GRID1: variants seen among roughly 807,000 people sequenced by gnomAD.
The protein encoded by GRID1 is glutamate receptor ionotropic, delta-1.
A neutral mutation model predicts 98.0 loss-of-function variants in GRID1; 28 were observed. The ratio of observed to expected loss-of-function variants is 0.29; its 90% CI spans 0.21 to 0.39. The LOEUF (loss-of-function observed/expected upper bound fraction) is 0.39. Ranked by LOEUF, GRID1 falls within the 10% of genes least tolerant of loss-of-function variation. The pLI is 1.00. For missense variants in GRID1, 1,111 were observed against 1,340.5 expected (o/e 0.83, Z 2.67); for synonymous variants, 553 against 538.5 (o/e 1.03, Z -0.37).
chr10:86,348,666 G>A (rs900608461), intron 2 of GRID1, among the ~76,000 whole-genome samples: 2 of 152,210 alleles, frequency 1.3e-5, no homozygotes, highest in African/African-American at 2.4e-5. Flanking sequence ...ATCCACGCAC[G>A]TAGCACGTCC....
intron 5 of GRID1, among the ~76,000 whole-genome samples, chr10:85,889,691 G>A (rs1180272851): frequency 6.6e-6 from 1 of 152,128 alleles, no homozygotes; most frequent in Non-Finnish European, 1.5e-5. Context: ...CTTTTGGATA[G>A]ATACCCAGAA....
At chr10:86,042,798 A>C (rs1370244063) in intron 4 of GRID1, among the ~76,000 whole-genome samples, 3 of 152,226 alleles carry the variant, frequency 2.0e-5, no homozygotes, top group Non-Finnish European at 4.4e-5. Context: ...CAAGATGTTT[A>C]TTCTAGCCTG....
chr10:86,107,873 C>T (rs1844415475), intron 4 of GRID1, among the ~76,000 whole-genome samples: 2 of 152,264 alleles, frequency 1.3e-5, no homozygotes, highest in South Asian at 4.1e-4. Flanking sequence ...AGGGGAAAAC[C>T]ATCTCCCTTC....
At chr10:86,137,308 G>C (rs1035782889) in intron 4 of GRID1, among the ~76,000 whole-genome samples, 3 of 152,192 alleles carry the variant, frequency 2.0e-5, no homozygotes, top group Admixed American at 2.0e-4. Flanking sequence ...AAGAAACAGA[G>C]GCTAAGACGG....
chr10:85,688,392 C>A (rs532950692), intron 12 of GRID1, among the ~76,000 whole-genome samples: 1 of 152,140 alleles, frequency 6.6e-6, no homozygotes, highest in Non-Finnish European at 1.5e-5. Context: ...AAAAGAGACA[C>A]GGCTGGAGTG....
intron 4 of GRID1, among the ~76,000 whole-genome samples, chr10:85,957,688 A>T (rs983160043): frequency 6.6e-6 from 1 of 152,214 alleles, no homozygotes; most frequent in East Asian, 1.9e-4. Context: ...AATCCCAGAC[A>T]GGATTGGTAC....
chr10:86,000,896 A>G (rs1485582357), intron 4 of GRID1, among the ~76,000 whole-genome samples: 2 of 151,386 alleles, frequency 1.3e-5, no homozygotes, highest in Admixed American at 1.3e-4. Flanking sequence ...TCATACCAGA[A>G]AAAGCTTTTA....
chr10:85,892,957 C>T (rs767819235), intron 5 of GRID1, among the ~76,000 whole-genome samples: 4 of 152,006 alleles, frequency 2.6e-5, no homozygotes, highest in Non-Finnish European at 5.9e-5. Context: ...ACAAAATTTA[C>T]AGATTTAAAA....
intron 4 of GRID1, among the ~76,000 whole-genome samples, chr10:86,084,724 T>C (rs1329335070): frequency 6.6e-6 from 1 of 152,212 alleles, no homozygotes; most frequent in Non-Finnish European, 1.5e-5. Context: ...TTCTGACATA[T>C]GCTACAACAT....
intron 8 of GRID1, among the ~76,000 whole-genome samples, chr10:85,800,501 T>C (rs1842566019): frequency 4.6e-5 from 7 of 151,790 alleles, no homozygotes; most frequent in Admixed American, 4.6e-4. Flanking sequence ...TTCAAAACCA[T>C]CTAGAACTAT....
intron 2 of GRID1, among the ~76,000 whole-genome samples, chr10:86,344,097 TC>T (rs1848348629): frequency 6.6e-6 from 1 of 152,246 alleles, no homozygotes; most frequent in South Asian, 2.1e-4. Context: ...GCTTGTTAAA[TC>T]AGGCTCTCTG....
chr10:86,285,074 G>A (rs1847410861), intron 2 of GRID1, among the ~76,000 whole-genome samples: 1 of 152,102 alleles, frequency 6.6e-6, no homozygotes, highest in African/African-American at 2.4e-5. Context: ...GAGGAGAGGA[G>A]CGAGCCCCCC....
At chr10:86,145,532 T>C (rs1012957307) in intron 3 of GRID1, among the ~76,000 whole-genome samples, 1 of 102,554 alleles carries the variant, frequency 9.8e-6, no homozygotes, top group East Asian at 2.3e-4. Context: ...TGCCCACTCC[T>C]GGACATCCTC....
At chr10:85,602,841 A>C in intron 15 of GRID1, 140 bp from the exon 16 acceptor site, 1 of 615,154 alleles carries the variant, frequency 1.6e-6, no homozygotes, top group Non-Finnish European at 2.9e-6. Context: ...TGTGGCTCCC[A>C]CCTCCCCTCA....
intron 5 of GRID1, among the ~76,000 whole-genome samples, chr10:85,899,825 A>G (rs1256293595): frequency 2.6e-5 from 4 of 152,206 alleles, no homozygotes; most frequent in African/African-American, 4.8e-5. Flanking sequence ...GAAAGTACCC[A>G]GAAGGTTCAG....
intron 3 of GRID1, among the ~76,000 whole-genome samples, chr10:86,181,072 G>A (rs563549294): frequency 1.3e-5 from 2 of 152,282 alleles, no homozygotes; most frequent in South Asian, 4.1e-4. Context: ...CCACGAGGCT[G>A]TACAAGCCAC....
At chr10:85,855,666 C>T (rs1000988678) in intron 7 of GRID1, among the ~76,000 whole-genome samples, 4 of 152,206 alleles carry the variant, frequency 2.6e-5, no homozygotes, top group African/African-American at 7.2e-5. Context: ...ACATCACAAG[C>T]GCACATACAG....
At chr10:85,711,537 G>A (rs1482742004) in intron 12 of GRID1, among the ~76,000 whole-genome samples, 2 of 151,816 alleles carry the variant, frequency 1.3e-5, no homozygotes, top group East Asian at 3.9e-4. Flanking sequence ...AAGTTTTCTG[G>A]AGATAGATGG....
At chr10:86,337,489 C>A (rs1030586924) in intron 2 of GRID1, among the ~76,000 whole-genome samples, 2 of 152,138 alleles carry the variant, frequency 1.3e-5, no homozygotes, top group Non-Finnish European at 2.9e-5. Flanking sequence ...AGGCACTGAC[C>A]CTCCCACGTC....
Sources: gnomAD v4.1 joint callset for allele counts (sites outside exome capture counted in the v4.1 genomes callset) on GRCh38, gnomAD v4.1.1 for gene constraint, MANE v1.5 for transcripts, NCBI Gene and HGNC (gene_info 2026-07-23, HGNC 2026-07-21) for gene names.